NCAM1: variants seen among roughly 807,000 people sequenced by gnomAD.
NCAM1 encodes antigen recognized by monoclonal antibody 5.1H11.
A neutral mutation model predicts 109.8 loss-of-function variants in NCAM1; 14 were observed. The observed-to-expected ratio is 0.13, with a 90% confidence interval of 0.08 to 0.20. The LOEUF is 0.20. Among genes scored for constraint, NCAM1 ranks in the 10% least tolerant of loss-of-function variants. NCAM1 has a pLI of 1.00. For missense variants in NCAM1, 774 were observed against 1,109.9 expected, an observed-to-expected ratio of 0.70 and a Z score of 4.30; for synonymous variants, 418 against 442.9, an observed-to-expected ratio of 0.94 and a Z score of 0.70.
At chr11:113,101,692 TTAAG>T (rs1258928261) in intron 1 of NCAM1, among the ~76,000 whole-genome samples, 3 of 152,214 alleles carry the variant, frequency 2.0e-5, no homozygotes, top group Non-Finnish European at 4.4e-5. Flanking sequence ...AATAATTTTA[TTAAG>T]TAAGAATAGT....
At chr11:112,986,905 G>A (rs1255665250) in intron 1 of NCAM1, among the ~76,000 whole-genome samples, 5 of 151,636 alleles carry the variant, frequency 3.3e-5, no homozygotes, top group African/African-American at 1.2e-4. Context: ...TTTCTGCTCT[G>A]ATCTTTGTTA....
At position 113,053,075 on chromosome 11, in the gene NCAM1, C is replaced by T. The variant is rs558412040; in HGVS notation, c.52+91411C>T. ...ATTGCAGAGGCTCTAACAGAAGGCT[C>T]CCCCCAACTTGTGCCTATGTCCTCT... On this transcript the variant is annotated intron_variant, in intron 1 of 19. Transcript: ENST00000316851. Among the ~76,000 whole-genome samples the T allele has an allele frequency of 2.6e-5, 4 of 152,244 alleles. No individual in the cohort carries two copies. In the South Asian group the frequency reaches 8.3e-4, roughly 32 times the overall value.
chr11:113,104,207 T>TGGGGGGGGGGGGGGG (rs1345382907), intron 1 of NCAM1, among the ~76,000 whole-genome samples: 1 of 19,278 alleles, frequency 5.2e-5, no homozygotes, highest in African/African-American at 2.2e-4. Context: ...GGAGGTGGGG[T>TGGGGGGGGGGGGGGG]GGGGGGGGGG....
At chr11:113,020,659 T>C (rs571573424) in intron 1 of NCAM1, among the ~76,000 whole-genome samples, 124 of 152,322 alleles carry the variant, frequency 8.1e-4, no homozygotes, top group South Asian at 2.7e-3. Flanking sequence ...TCTCTGTTGA[T>C]GAAACCGTTC....
intron 1 of NCAM1, among the ~76,000 whole-genome samples, chr11:113,010,047 A>G (rs1952008555): frequency 6.6e-6 from 1 of 151,968 alleles, no homozygotes. Flanking sequence ...AAAAAAGAAC[A>G]GTTAATTCAG....
chr11:113,100,344 A>G (rs1391535544), intron 1 of NCAM1, among the ~76,000 whole-genome samples: 1 of 152,106 alleles, frequency 6.6e-6, no homozygotes, highest in Admixed American at 6.5e-5. Flanking sequence ...TTTTGTTATT[A>G]CAATTAATGC....
intron 1 of NCAM1, among the ~76,000 whole-genome samples, chr11:113,198,314 G>A (rs782214708): frequency 1.8e-4 from 27 of 152,048 alleles, no homozygotes; most frequent in Non-Finnish European, 1.3e-4. Flanking sequence ...TTATCTATGA[G>A]CAAAGAGGCC....
chr11:113,127,948 G>A (rs1352314854), intron 1 of NCAM1, among the ~76,000 whole-genome samples: 3 of 152,104 alleles, frequency 2.0e-5, no homozygotes, highest in African/African-American at 4.8e-5. Context: ...TTGGGAGGGC[G>A]GCTGCTTATC....
intron 1 of NCAM1, among the ~76,000 whole-genome samples, chr11:112,979,229 AAAAAAAAACAAAC>A (rs1298897536): frequency 1.4e-5 from 1 of 72,002 alleles, no homozygotes; most frequent in Non-Finnish European, 2.8e-5. Context: ...AACAAAAAAG[AAAAAAAAACAAAC>A]AAAAAAAACC....
At chr11:113,018,613 T>C (rs1952282514) in intron 1 of NCAM1, among the ~76,000 whole-genome samples, 1 of 152,210 alleles carries the variant, frequency 6.6e-6, no homozygotes, top group Non-Finnish European at 1.5e-5. Context: ...TCATTCAGTA[T>C]GCCCAAGTCA....
intron 1 of NCAM1, among the ~76,000 whole-genome samples, chr11:112,992,987 C>A (rs1295093753): frequency 1.3e-5 from 2 of 151,994 alleles, no homozygotes; most frequent in African/African-American, 2.4e-5. Context: ...CCTATGTCAC[C>A]CTACTTCACT....
chr11:112,984,199 C>T (rs1324957212), intron 1 of NCAM1, among the ~76,000 whole-genome samples: 1 of 151,842 alleles, frequency 6.6e-6, no homozygotes, highest in Non-Finnish European at 1.5e-5. Context: ...GTATAATGTC[C>T]TCTTGGTTTA....
chr11:113,125,518 G>A (rs1277259105), intron 1 of NCAM1, among the ~76,000 whole-genome samples: 1 of 152,154 alleles, frequency 6.6e-6, no homozygotes, highest in Non-Finnish European at 1.5e-5. Flanking sequence ...TTGCAGCTTG[G>A]GTTGATCCAA....
rs1359638510 is a variant in NCAM1, at chr11:113,277,299, A to C, written c.*1912A>C. 4.5e-5 allele frequency: 18 copies of C among 398,954 alleles called. No homozygotes were observed. The highest frequency in any genetic ancestry group is 8.0e-5 in the Non-Finnish European group (18 of 226,084). 24.7% of individuals were successfully genotyped at this position (398,954 alleles called of 1,614,324 possible). On this transcript the variant is annotated 3_prime_UTR_variant, in exon 20 of 20. Transcript: ENST00000316851. ...AGATTATAATTTCAAACTGTGAAGA[A>C]TAATGGTCTTGTCATTTGCTCAATG... is the stretch of plus-strand genomic sequence containing the variant.
At chr11:113,066,817 G>A (rs951379958) in intron 1 of NCAM1, among the ~76,000 whole-genome samples, 1 of 151,740 alleles carries the variant, frequency 6.6e-6, no homozygotes, top group Non-Finnish European at 1.5e-5. Context: ...TGGCTAACAC[G>A]GTGAAACCCC....
chr11:113,217,674 G>T (rs782348751), intron 8 of NCAM1, among the ~76,000 whole-genome samples: 2 of 152,144 alleles, frequency 1.3e-5, no homozygotes, highest in Non-Finnish European at 2.9e-5. Context: ...TTTTTTACAT[G>T]ATCCCCATTT....
intron 1 of NCAM1, among the ~76,000 whole-genome samples, chr11:113,071,731 G>C (rs992735251): frequency 6.6e-6 from 1 of 152,176 alleles, no homozygotes; most frequent in Non-Finnish European, 1.5e-5. Flanking sequence ...CCAGCCTGTT[G>C]GTTGGAATTG....
At chr11:113,149,696 A>G (rs1324296480) in intron 1 of NCAM1, among the ~76,000 whole-genome samples, 1 of 152,218 alleles carries the variant, frequency 6.6e-6, no homozygotes, top group African/African-American at 2.4e-5. Context: ...TCGTTTAATT[A>G]CTTATACTGT....
chr11:113,167,426 C>T (rs1282569279), intron 1 of NCAM1, among the ~76,000 whole-genome samples: 1 of 152,102 alleles, frequency 6.6e-6, no homozygotes, highest in Non-Finnish European at 1.5e-5. Flanking sequence ...CTTGGGTCAC[C>T]CACAGTGGCT....
Sources: allele counts gnomAD v4.1 joint callset (sites outside exome capture counted in the v4.1 genomes callset), GRCh38; gene constraint gnomAD v4.1.1; transcripts MANE v1.5; gene names NCBI Gene and HGNC (gene_info 2026-07-23, HGNC 2026-07-21).